The following PRKAR1A variants were observed in gnomAD, a reference collection of about 807,000 sequenced individuals.
The protein encoded by PRKAR1A is protein kinase cAMP-dependent type I regulatory subunit alpha, also known as cAMP-dependent protein kinase type I-alpha regulatory subunit.
Under a neutral mutation model 52.0 loss-of-function variants are expected in PRKAR1A, and 3 were observed. The ratio of observed to expected loss-of-function variants is 0.06; its 90% CI spans 0.03 to 0.15. PRKAR1A has a LOEUF of 0.15. Among genes scored for constraint, PRKAR1A ranks in the 10% least tolerant of loss-of-function variants. PRKAR1A has a pLI of 1.00. For synonymous variants in PRKAR1A, 188 were observed against 168.4 expected (o/e 1.12, Z -0.90); for missense variants, 240 against 477.4 (o/e 0.50, Z 4.63).
At chr17:68,444,982 G>A in the PRKAR1A span, among the ~76,000 whole-genome samples, 31 of 134,512 alleles carry the variant, frequency 2.3e-4, no homozygotes, top group African/African-American at 8.0e-4. Context: ...GTGCAGTGGC[G>A]CAATCTCAGC....
At chr17:68,538,088 A>C (rs150289214), downstream of PRKAR1A, among the ~76,000 whole-genome samples, 286 of 152,362 alleles carry the variant, frequency 1.9e-3, 1 homozygote, top group African/African-American at 6.5e-3. Flanking sequence ...TAATGGGAGA[A>C]GTTTCTAGTA....
chr17:68,535,950 T>A (rs2086085865), downstream of PRKAR1A: 1 of 454,034 alleles, frequency 2.2e-6, no homozygotes, highest in East Asian at 6.9e-5. Context: ...AGATTTAAAG[T>A]TCTTCCATGC....
chr17:68,474,537 C>T, the PRKAR1A span, among the ~76,000 whole-genome samples: 4 of 152,090 alleles, frequency 2.6e-5, no homozygotes, highest in East Asian at 7.7e-4. Flanking sequence ...GATCCCGTGA[C>T]GAGTGGTCAG....
the PRKAR1A span, among the ~76,000 whole-genome samples, chr17:68,452,126 G>A: frequency 6.6e-6 from 1 of 152,176 alleles, no homozygotes; most frequent in African/African-American, 2.4e-5. Flanking sequence ...CATTTCTAGT[G>A]AATTATTTAC....
At chr17:68,525,967 A>G in intron 7 of PRKAR1A, 55 bp downstream of exon 7, 1 of 1,572,488 alleles carries the variant, frequency 6.4e-7, no homozygotes, top group Non-Finnish European at 8.7e-7. Flanking sequence ...TACGTAACTA[A>G]TGTTTGAATA....
the PRKAR1A span, among the ~76,000 whole-genome samples, chr17:68,473,175 G>T: frequency 1.3e-5 from 2 of 152,122 alleles, no homozygotes; most frequent in Non-Finnish European, 2.9e-5. Flanking sequence ...TTTGGCTCTT[G>T]CTACAGCCTC....
the PRKAR1A span, among the ~76,000 whole-genome samples, chr17:68,416,807 T>C: frequency 2.6e-5 from 4 of 152,176 alleles, no homozygotes; most frequent in African/African-American, 9.7e-5. Flanking sequence ...ATGTCCAATG[T>C]TTCCTGATGT....
the PRKAR1A span, chr17:68,421,872 G>A: frequency 6.2e-7 from 1 of 1,611,456 alleles, no homozygotes; most frequent in Non-Finnish European, 8.5e-7. Context: ...GAGGCTGGTA[G>A]GCAGGTGCAT....
the PRKAR1A span, among the ~76,000 whole-genome samples, chr17:68,475,794 G>T: frequency 6.6e-6 from 1 of 152,174 alleles, no homozygotes; most frequent in African/African-American, 2.4e-5. Flanking sequence ...ACTTTTCGTT[G>T]TATCTCAGGT....
the PRKAR1A span, among the ~76,000 whole-genome samples, chr17:68,440,175 C>G: frequency 6.6e-6 from 1 of 152,184 alleles, no homozygotes; most frequent in Non-Finnish European, 1.5e-5. Context: ...TCTACCAATC[C>G]ATCTGAATTT....
the PRKAR1A span, among the ~76,000 whole-genome samples, chr17:68,466,244 T>C: frequency 6.6e-6 from 1 of 152,172 alleles, no homozygotes; most frequent in African/African-American, 2.4e-5. Context: ...CCTGCCCTTT[T>C]AGGCTTTGCC....
At chr17:68,446,102 C>T in the PRKAR1A span, among the ~76,000 whole-genome samples, 2 of 152,140 alleles carry the variant, frequency 1.3e-5, no homozygotes, top group Non-Finnish European at 2.9e-5. Context: ...CTGCTATTCC[C>T]CAAGGAAGAC....
the PRKAR1A span, among the ~76,000 whole-genome samples, chr17:68,447,629 G>T: frequency 6.6e-6 from 1 of 152,094 alleles, no homozygotes; most frequent in African/African-American, 2.4e-5. Flanking sequence ...GGGCTCAAGC[G>T]ATCCTCCTGC....
At chr17:68,535,301 A>G (rs909891419), downstream of PRKAR1A, 3 of 454,030 alleles carry the variant, frequency 6.6e-6, no homozygotes, top group African/African-American at 6.0e-5. Context: ...GGTGTACCAC[A>G]TATCATGGTG....
the PRKAR1A span, among the ~76,000 whole-genome samples, chr17:68,456,656 A>G: frequency 6.6e-6 from 1 of 152,234 alleles, no homozygotes; most frequent in Non-Finnish European, 1.5e-5. Flanking sequence ...TTTCCTGGAG[A>G]GAAAGCAGTC....
chr17:68,417,522 A>G, the PRKAR1A span, among the ~76,000 whole-genome samples: 1 of 151,816 alleles, frequency 6.6e-6, no homozygotes, highest in African/African-American at 2.4e-5. Context: ...TTCATCTCTC[A>G]GACTTGTCCA....
chr17:68,526,423 C>T (rs998078328), intron 7 of PRKAR1A, among the ~76,000 whole-genome samples: 21 of 152,106 alleles, frequency 1.4e-4, no homozygotes, highest in African/African-American at 4.6e-4. Context: ...TTTTTGAGAA[C>T]GTTGTGATAA....
chr17:68,426,235 T>A, the PRKAR1A span: 1 of 652,396 alleles, frequency 1.5e-6, no homozygotes, highest in African/African-American at 2.7e-5. Context: ...TGCCATGACC[T>A]GGCGGGTGGG....
At chr17:68,546,941 G>A (rs973373553) in intron 11 of PRKAR1A, among the ~76,000 whole-genome samples, 9 of 151,962 alleles carry the variant, frequency 5.9e-5, no homozygotes, top group East Asian at 3.8e-4. Flanking sequence ...TAGTCTCCTC[G>A]GACATCTCCA....
Sources: gnomAD v4.1 joint callset for allele counts (sites outside exome capture counted in the v4.1 genomes callset) on GRCh38, gnomAD v4.1.1 for gene constraint, MANE v1.5 for transcripts, NCBI Gene and HGNC (gene_info 2026-07-23, HGNC 2026-07-21) for gene names.